MAD1L1: variants seen among roughly 807,000 people sequenced by gnomAD.
The protein encoded by MAD1L1 is mitotic arrest deficient 1 like 1, also known as mitotic spindle assembly checkpoint protein MAD1.
A neutral mutation model predicts 96.9 loss-of-function variants in MAD1L1; 95 were observed. The observed-to-expected ratio is 0.98, with a 90% CI of 0.83 to 1.16. The LOEUF (loss-of-function observed/expected upper bound fraction) is 1.16, where lower values mean the gene tolerates loss of function less well. Ranked by LOEUF, MAD1L1 falls within the 50% of genes most tolerant of loss-of-function variation. MAD1L1 has a pLI of 0.00. For missense variants in MAD1L1, 1,007 were observed against 954.4 expected, an observed-to-expected ratio of 1.06 and a Z score of -0.73; for synonymous variants, 473 against 396.6, an observed-to-expected ratio of 1.19 and a Z score of -2.29.
At chr7:2,079,743 C>A (rs1461639090) in intron 11 of MAD1L1, 1 of 470,834 alleles carries the variant, frequency 2.1e-6, no homozygotes, top group Non-Finnish European at 4.4e-6. Flanking sequence ...GGTGGGGAGC[C>A]CCGGCAAGCA....
At chr7:1,985,413 A>C (rs1425801087) in intron 14 of MAD1L1, among the ~76,000 whole-genome samples, 1 of 152,184 alleles carries the variant, frequency 6.6e-6, no homozygotes, top group African/African-American at 2.4e-5. Context: ...GCACAGATGC[A>C]GACCACGGGA....
At chr7:2,071,898 T>C (rs12699659) in intron 11 of MAD1L1, among the ~76,000 whole-genome samples, 67,427 of 152,104 alleles carry the variant, frequency 0.44, 17,092 homozygotes, top group Non-Finnish European at 0.58. Flanking sequence ...CCACTGTTCC[T>C]GGAGGGTGGG....
intron 10 of MAD1L1, among the ~76,000 whole-genome samples, chr7:2,155,075 A>T (rs1789760111): frequency 6.6e-6 from 1 of 152,196 alleles, no homozygotes; most frequent in Non-Finnish European, 1.5e-5. Flanking sequence ...CGGGAGCCGG[A>T]GAGCCGCTCC....
At chr7:1,928,035 C>G (rs562490705) in intron 17 of MAD1L1, among the ~76,000 whole-genome samples, 62 of 152,276 alleles carry the variant, frequency 4.1e-4, no homozygotes, top group African/African-American at 1.3e-3. Flanking sequence ...AGCTCGTGCC[C>G]GAGGCCTTGG....
At chr7:1,874,525 T>C in intron 18 of MAD1L1, 1 of 455,520 alleles carries the variant, frequency 2.2e-6, no homozygotes, top group Non-Finnish European at 4.4e-6. Context: ...TCCGCACAGC[T>C]TGTGGCTGAG....
chr7:2,092,892 C>A (rs910828179), intron 11 of MAD1L1, among the ~76,000 whole-genome samples: 2 of 152,156 alleles, frequency 1.3e-5, no homozygotes, highest in African/African-American at 4.8e-5. Context: ...GCTCCTCTAT[C>A]TTCCTCTAGC....
chr7:2,216,341 G>C, intron 7 of MAD1L1, 54 bp from the exon 8 acceptor site: 1 of 1,576,376 alleles, frequency 6.3e-7, no homozygotes, highest in Non-Finnish European at 8.6e-7. Context: ...GAAGAGACCT[G>C]GAGAAAATCA....
intron 18 of MAD1L1, among the ~76,000 whole-genome samples, chr7:1,870,828 AACACC>A (rs1562475918): frequency 1.4e-3 from 19 of 13,962 alleles, no homozygotes; most frequent in African/African-American, 5.3e-3. Flanking sequence ...AACCGACCAT[AACACC>A]TGCCACGCTG....
At chr7:2,227,071 A>C (rs931563129) in intron 3 of MAD1L1, among the ~76,000 whole-genome samples, 2 of 151,828 alleles carry the variant, frequency 1.3e-5, no homozygotes, top group Non-Finnish European at 2.9e-5. Context: ...AGGTGGGTAC[A>C]TAACTTGAGG....
intron 14 of MAD1L1, among the ~76,000 whole-genome samples, chr7:1,993,425 T>C (rs192781648): frequency 3.5e-4 from 53 of 152,274 alleles, no homozygotes; most frequent in South Asian, 6.2e-4. Flanking sequence ...GGAAAAAACA[T>C]TGGAGAATAT....
chr7:1,974,656 T>C (rs1317727688), intron 15 of MAD1L1, among the ~76,000 whole-genome samples: 1 of 152,126 alleles, frequency 6.6e-6, no homozygotes, highest in Non-Finnish European at 1.5e-5. Flanking sequence ...AGAAAACTAT[T>C]CGAAAATCCA....
chr7:1,885,893 C>G (rs1205473980), intron 18 of MAD1L1, among the ~76,000 whole-genome samples: 2 of 151,868 alleles, frequency 1.3e-5, no homozygotes, highest in Non-Finnish European at 2.9e-5. Context: ...GACACCCCAG[C>G]AGGGACCCCT....
intron 13 of MAD1L1, among the ~76,000 whole-genome samples, chr7:2,006,373 G>T (rs1218288051): frequency 6.6e-6 from 1 of 152,202 alleles, no homozygotes; most frequent in African/African-American, 2.4e-5. Flanking sequence ...CAGCCACAAT[G>T]CGTGCCTGTC....
chr7:1,936,820 G>C lies in MAD1L1; in HGVS notation c.1674C>G (p.Arg558=), dbSNP rs761901037. The C allele has an allele frequency of 6.2e-7, 1 of 1,601,736 alleles. No homozygotes were observed. Among genetic ancestry groups the C allele is most frequent in the Non-Finnish European group, 8.5e-7 (1 of 1,175,066 alleles). Residue 558 remains arginine, a synonymous_variant, in exon 17 of 19, where the codon CGC becomes CGG. Transcript: ENST00000265854. ...CCGCCTGCAGCTGGCTGTGGTCCTCGCGCAGGCGCTGCCTGGCCACACTGG... is the reference window on the plus strand; with the variant it reads ...CCGCCTGCAGCTGGCTGTGGTCCTCCCGCAGGCGCTGCCTGGCCACACTGG... ...NPTSVARQRL[R]EDHSQLQAEC...
chr7:2,199,838 C>T (rs533791087), intron 10 of MAD1L1, among the ~76,000 whole-genome samples: 2 of 152,358 alleles, frequency 1.3e-5, no homozygotes, highest in South Asian at 2.1e-4. Context: ...TGCTTCCCAA[C>T]GCCATGCTGG....
rs1781792002 is a variant in MAD1L1, at chr7:1,816,200, T to C, written c.2027A>G (p.Gln676Arg). Reference protein sequence around the residue: ...KATSPSGSKMQLLETEFSHTV... With the variant: ...KATSPSGSKMRLLETEFSHTV... ...GTGTGAGAACTCTGTCTCCAGTAGC[T>C]GCATCTTGGAACCCGAGGGGCTGGT... Residue 676 changes from glutamine to arginine, a missense_variant, in exon 19 of 19, where the codon CAG becomes CGG. Physicochemically the swap from Gln to Arg is conservative, Grantham distance 43 (BLOSUM62 1). Transcript: ENST00000265854. 6 of 1,613,290 alleles carry C rather than the reference T, an allele frequency of 3.7e-6. No individual in the cohort carries two copies. The African/African-American group carries it at 8.0e-5, about 22-fold the overall frequency.
chr7:1,884,189 A>G (rs561029091), intron 18 of MAD1L1, among the ~76,000 whole-genome samples: 41 of 152,366 alleles, frequency 2.7e-4, no homozygotes, highest in African/African-American at 9.4e-4. Context: ...CGAGGCATGC[A>G]CGGTGTTTGG....
chr7:2,189,593 T>TA (rs1407150240), intron 10 of MAD1L1, among the ~76,000 whole-genome samples: 4 of 152,088 alleles, frequency 2.6e-5, no homozygotes, highest in Non-Finnish European at 4.4e-5. Flanking sequence ...CCTACTGTAG[T>TA]AAAAAATCAC....
At chr7:1,890,643 C>T (rs972699580) in intron 18 of MAD1L1, among the ~76,000 whole-genome samples, 10 of 152,212 alleles carry the variant, frequency 6.6e-5, no homozygotes, top group African/African-American at 2.2e-4. Context: ...CCAGTTTCCA[C>T]GGAGGCCCAG....
Sources: gnomAD v4.1 joint callset for allele counts (sites outside exome capture counted in the v4.1 genomes callset) on GRCh38, gnomAD v4.1.1 for gene constraint, MANE v1.5 for transcripts, NCBI Gene and HGNC (gene_info 2026-07-23, HGNC 2026-07-21) for gene names.